FAM220A: variants seen among roughly 807,000 people sequenced by gnomAD.
The protein encoded by FAM220A is protein FAM220A.
For missense variants in FAM220A, 392 were observed against 321.6 expected, an observed-to-expected ratio of 1.22 and a Z score of -1.68; for synonymous variants, 141 against 130.7, an observed-to-expected ratio of 1.08 and a Z score of -0.54.
At chr7:6,334,296 G>A (rs1781703242) in intron 1 of FAM220A, among the ~76,000 whole-genome samples, 1 of 151,362 alleles carries the variant, frequency 6.6e-6, no homozygotes, top group Non-Finnish European at 1.5e-5. Context: ...AGCACTTGGG[G>A]AGGCCTAGCT....
intron 1 of FAM220A, among the ~76,000 whole-genome samples, chr7:6,334,036 T>C (rs112063207): frequency 0.11 from 16,582 of 150,714 alleles, 1,133 homozygotes; most frequent in Admixed American, 0.23. Flanking sequence ...TTAGTAGAGA[T>C]GGGGTTTCAC....
chr7:6,346,068 C>T (rs1443849012), intron 1 of FAM220A, among the ~76,000 whole-genome samples: 1 of 152,018 alleles, frequency 6.6e-6, no homozygotes, highest in Non-Finnish European at 1.5e-5. Context: ...CATGCCCAGC[C>T]AAAGTTTGTT....
Position 6,347,229 on chromosome 7 carries a change from T to G in FAM220A, c.-82+1344A>C, listed in dbSNP as rs1241071342. ...TTCAAGGGATGTAGAAATATCAGTC[T>G]CTTGGCTGGGCGCTGTGGCTGACGC... On this transcript the variant is annotated intron_variant, in intron 1 of 1. Coordinates refer to ENST00000313324, the MANE Select transcript of FAM220A (RefSeq NM_001037163.2). Among the ~76,000 whole-genome samples, 4 of 152,128 alleles carry G rather than the reference T, an allele frequency of 2.6e-5. No homozygotes were observed. In the East Asian group the frequency reaches 7.7e-4, roughly 29 times the overall value.
chr7:6,339,856 C>G (rs1014312028), intron 1 of FAM220A, among the ~76,000 whole-genome samples: 15 of 151,690 alleles, frequency 9.9e-5, no homozygotes. Flanking sequence ...GGAGAGTGTG[C>G]AGAGGCCGGG....
chr7:6,343,000 G>A (rs1415671868), intron 1 of FAM220A, among the ~76,000 whole-genome samples: 1 of 150,710 alleles, frequency 6.6e-6, no homozygotes, highest in East Asian at 2.0e-4. Flanking sequence ...TCGCACCACT[G>A]CACTCCAGCC....
Position 6,330,121 on chromosome 7 carries a change from AG to A in FAM220A, c.*253del. The A allele has an allele frequency of 2.1e-6, 1 of 477,028 alleles. No individual in the cohort carries two copies. Among genetic ancestry groups the A allele is most frequent in the Non-Finnish European group, 3.8e-6 (1 of 261,402 alleles). 29.5% of individuals were successfully genotyped at this position (477,028 alleles called of 1,614,324 possible). ...GTATGTTCTAATCTGGTATTTATAC[AG>A]GCTATGATCGTCTCCTGAAATGTTT... On this transcript the variant is annotated 3_prime_UTR_variant, in exon 2 of 2. Transcript: ENST00000313324.
At position 6,330,690 on chromosome 7, in the gene FAM220A, C is replaced by A. The variant is rs1336846555; in HGVS notation, c.465G>T (p.Leu155=). The A allele has an allele frequency of 5.0e-6, 8 of 1,613,984 alleles. No individual in the cohort carries two copies. In the Admixed American group the frequency reaches 1.3e-4, roughly 27 times the overall value. ...TTTCCGGCACTTTTTGATGGCGTGGCAGTCGTGACACCCGAGGCTCTCCTT... is the reference window on the plus strand; with the variant it reads ...TTTCCGGCACTTTTTGATGGCGTGGAAGTCGTGACACCCGAGGCTCTCCTT... ...CPKGEPRVSR[L]PRHQKVPEMG... is the part of the protein sequence containing the mutation. The change falls in exon 2 of 2, where the codon CTG becomes CTT. Residue 155 remains leucine (L), a synonymous_variant. Coordinates refer to ENST00000313324, the MANE Select transcript of FAM220A (RefSeq NM_001037163.2).
intron 1 of FAM220A, among the ~76,000 whole-genome samples, chr7:6,340,500 C>G (rs564170031): frequency 9.7e-4 from 148 of 152,156 alleles, no homozygotes; most frequent in African/African-American, 3.3e-3. Context: ...CCGTGCTGCA[C>G]CTGGAGTTGG....
intron 1 of FAM220A, among the ~76,000 whole-genome samples, chr7:6,345,957 T>G (rs1196964304): frequency 6.6e-6 from 1 of 151,910 alleles, no homozygotes; most frequent in South Asian, 2.1e-4. Context: ...TTAGTAGAGA[T>G]GGGGTTTTGC....
At position 6,338,014 on chromosome 7, in the gene FAM220A, G is replaced by C. The variant is rs914117327; in HGVS notation, c.-81-6779C>G. 2.6e-5 allele frequency among the ~76,000 whole-genome samples: 4 copies of C among 151,968 alleles called. No homozygotes were observed. The East Asian group carries it at 7.7e-4, about 29-fold the overall frequency. On this transcript the variant is annotated intron_variant, in intron 1 of 1. Transcript: ENST00000313324. ...AGACATGGTTTCACCATGTTGGCCA[G>C]GCTGCTCTCGAACTCCTGACCTCAG...
Position 6,330,854 on chromosome 7 carries a change from T to A in FAM220A, c.301A>T (p.Ser101Cys). Residue 101 changes from serine (S) to cysteine (C), a missense_variant, in exon 2 of 2, where the codon AGC becomes TGC. Physicochemically the swap from Ser to Cys is moderately radical, Grantham distance 112. Transcript: ENST00000313324. ...RRNPASAATP[S>C]TAVGLFPAPT... ...GCAGGGAACAAACCCACGGCTGTGC[T>A]CGGAGTGGCTGCTGAGGCTGGATTT... 2 of 1,614,170 alleles carry A rather than the reference T, an allele frequency of 1.2e-6. No homozygotes were observed. The highest frequency in any genetic ancestry group is 2.2e-5 in the South Asian group (2 of 91,088).
At position 6,331,215 on chromosome 7, in the gene FAM220A, T is replaced by A; in HGVS notation, c.-61A>T. On this transcript the variant is annotated 5_prime_UTR_variant, in exon 2 of 2. An upstream open reading frame in the 5' UTR loses its in-frame stop. Coordinates refer to ENST00000313324, the MANE Select transcript of FAM220A (RefSeq NM_001037163.2). ...CGCCTTCGTCAGTCTGGGAGGGCCT[T>A]CAATGGATCTCAATATGAACCTAGG... 1 of 1,477,366 alleles carries A rather than the reference T, an allele frequency of 6.8e-7. No individual in the cohort carries two copies. Among genetic ancestry groups the A allele is most frequent in the Non-Finnish European group, 9.2e-7 (1 of 1,092,112 alleles). 91.5% of individuals were successfully genotyped at this position (1,477,366 alleles called of 1,614,324 possible). A position where few individuals can be genotyped will look rare whatever the true frequency, so the allele number is the denominator to read the frequency against.
At chr7:6,348,513 C>T (rs144113889) in intron 1 of FAM220A, 60 bp downstream of exon 1, 10,948 of 411,974 alleles carry the variant, frequency 0.027, 215 homozygotes, top group Middle Eastern at 0.064. Context: ...GCGTCTGCAT[C>T]CCGCGGGCGA....
At chr7:6,335,230 T>A (rs1781720890) in intron 1 of FAM220A, among the ~76,000 whole-genome samples, 1 of 81,406 alleles carries the variant, frequency 1.2e-5, no homozygotes, top group Non-Finnish European at 2.8e-5. Flanking sequence ...GCCCAGCTAT[T>A]TTTTTTTTTT....
intron 1 of FAM220A, among the ~76,000 whole-genome samples, chr7:6,346,479 A>G (rs778713399): frequency 6.6e-6 from 1 of 151,828 alleles, no homozygotes; most frequent in Non-Finnish European, 1.5e-5. Context: ...CGATCCTCCC[A>G]CCTCAGCCCC....
intron 1 of FAM220A, among the ~76,000 whole-genome samples, chr7:6,339,094 T>C (rs1302074653): frequency 6.6e-6 from 1 of 152,104 alleles, no homozygotes; most frequent in Non-Finnish European, 1.5e-5. Context: ...CCACAGCACT[T>C]CTAAATTAGG....
At chr7:6,339,027 T>C (rs1279569125) in intron 1 of FAM220A, among the ~76,000 whole-genome samples, 1 of 151,960 alleles carries the variant, frequency 6.6e-6, no homozygotes, top group East Asian at 1.9e-4. Flanking sequence ...AGACTGGAGG[T>C]AGCAGAAACA....
intron 1 of FAM220A, among the ~76,000 whole-genome samples, chr7:6,333,366 C>T (rs1365947732): frequency 6.6e-6 from 1 of 152,028 alleles, no homozygotes; most frequent in Non-Finnish European, 1.5e-5. Context: ...ATAAATTATT[C>T]TGGCTACACT....
chr7:6,344,036 C>T lies in FAM220A; in HGVS notation c.-82+4537G>A, dbSNP rs192081330. Among the ~76,000 whole-genome samples, 957 of 152,096 alleles carry T rather than the reference C, an allele frequency of 6.3e-3. 10 individuals are homozygous for T. The highest frequency in any genetic ancestry group is 7.9e-3 in the Non-Finnish European group (537 of 67,992). Reference sequence around the variant, plus strand: ...AAGTAGCTGGGACTACAGGCATGCACCACTACATTCAACTAACTTTTAATG... The same window carrying T: ...AAGTAGCTGGGACTACAGGCATGCATCACTACATTCAACTAACTTTTAATG... On this transcript the variant is annotated intron_variant, in intron 1 of 1. Transcript: ENST00000313324.
Sources: gnomAD v4.1 joint callset for allele counts (sites outside exome capture counted in the v4.1 genomes callset) on GRCh38, gnomAD v4.1.1 for gene constraint, MANE v1.5 for transcripts, NCBI Gene and HGNC (gene_info 2026-07-23, HGNC 2026-07-21) for gene names.